Variants in PYGL observed in about 807,000 individuals in gnomAD.
PYGL encodes the protein glycogen phosphorylase, liver form.
In PYGL, 90 loss-of-function variants were observed where a neutral mutation model predicts 100.1. That is an observed-to-expected ratio of 0.90 (90% CI 0.76 to 1.07). PYGL has a LOEUF of 1.07. PYGL is among the 50% of genes least tolerant of loss of function. The probability of loss-of-function intolerance (pLI) is 0.00; values close to 1 mark genes in which losing one functional copy is unlikely to be tolerated. For synonymous variants in PYGL, 373 were observed against 393.0 expected, an observed-to-expected ratio of 0.95 and a Z score of 0.60; for missense variants, 1,016 against 1,057.6, an observed-to-expected ratio of 0.96 and a Z score of 0.55.
chr14:50,929,974 T>G (rs901106771), intron 4 of PYGL, among the ~76,000 whole-genome samples: 1 of 152,220 alleles, frequency 6.6e-6, no homozygotes, highest in African/African-American at 2.4e-5. Context: ...CAGAGACAAC[T>G]TCTGTTGAAG....
chr14:50,930,367 A>G (rs2050591527), intron 4 of PYGL, among the ~76,000 whole-genome samples: 1 of 152,204 alleles, frequency 6.6e-6, no homozygotes, highest in South Asian at 2.1e-4. Context: ...CATACCTCAT[A>G]AAAGTAATCA....
chr14:50,934,588 G>A (rs1252031312), intron 3 of PYGL, among the ~76,000 whole-genome samples: 1 of 151,986 alleles, frequency 6.6e-6, no homozygotes, highest in East Asian at 1.9e-4. Flanking sequence ...GTGTATGTGT[G>A]TGTGTAAATA....
At chr14:50,943,559 T>A (rs1418288824) in intron 1 of PYGL, among the ~76,000 whole-genome samples, 2 of 152,148 alleles carry the variant, frequency 1.3e-5, no homozygotes, top group Non-Finnish European at 2.9e-5. Context: ...CTCACGGAAT[T>A]CCAGGAGCTA....
intron 9 of PYGL, 75 bp from the exon 10 acceptor site, chr14:50,916,046 C>T (rs2050446545): frequency 3.8e-6 from 6 of 1,589,476 alleles, no homozygotes; most frequent in East Asian, 2.2e-5. Context: ...CCTTCTTCAA[C>T]CCTGCCCTGT....
Position 50,912,224 on chromosome 14 carries a change from T to C in PYGL, c.1700A>G (p.Gln567Arg), listed in dbSNP as rs753383533. The change falls in exon 14 of 20, where the codon CAG becomes CGG. Residue 567 changes from glutamine (Q) to arginine (R), a missense_variant. By Grantham distance (43) the Gln-to-Arg change is conservative. Transcript: ENST00000216392. ...CTTGTACTCATGTATCCTCTTCACC[T>C]GGACATCAAACATGGAGGATGGGTT... ...KINPSSMFDV[Q>R]VKRIHEYKRQ... The C allele has an allele frequency of 6.2e-7, 1 of 1,614,180 alleles. No individual in the cohort carries two copies. The highest frequency in any genetic ancestry group is 1.1e-5 in the South Asian group (1 of 91,084).
In PYGL at chr14:50,923,687, CAAAAAAAAAAA is replaced by C. The variant is rs762951824; in HGVS notation, c.660+271_660+281del. On this transcript the variant is annotated intron_variant, in intron 5 of 19. Coordinates refer to ENST00000216392, the MANE Select transcript of PYGL (RefSeq NM_002863.5). ...TACTATAGAACTGACAATTTTCTGG[CAAAAAAAAAAA>C]AAAAAAAAAAAGAACTGACAATTTT... The C allele has an allele frequency of 1.5e-4, 18 of 119,584 alleles. No homozygotes were observed. The East Asian group carries it at 4.0e-3, about 26-fold the overall frequency. The allele number at this position is 119,584 out of a possible 1,614,324, so 7.4% of individuals were successfully genotyped here.
In PYGL at chr14:50,911,992, TA is replaced by T; in HGVS notation, c.1812del (p.Ile605SerfsTer15). On this transcript the variant is annotated frameshift_variant, in exon 15 of 20. Transcript: ENST00000216392. LOFTEE classifies it high-confidence loss of function. ...ATTCAACTTACTTTACCACCAATGATAACTGTCCTTGGCACGAATAACTTCT... is the reference window on the plus strand; with the variant it reads ...ATTCAACTTACTTTACCACCAATGATACTGTCCTTGGCACGAATAACTTCT... Reference protein sequence around the residue: ...DPKKLFVPRTVIIGGKAAPGY... With the variant: ...DPKKLFVPRTXIIGGKAAPGY... The T allele has an allele frequency of 6.2e-7, 1 of 1,613,800 alleles. No homozygotes were observed. The highest frequency in any genetic ancestry group is 8.5e-7 in the Non-Finnish European group (1 of 1,179,658).
chr14:50,915,717 G>T, intron 10 of PYGL, 108 bp downstream of exon 10: 1 of 1,484,738 alleles, frequency 6.7e-7, no homozygotes, highest in Non-Finnish European at 9.2e-7. Flanking sequence ...GAGTACTTTT[G>T]CTGTATCAAT....
intron 1 of PYGL, among the ~76,000 whole-genome samples, chr14:50,940,961 G>A (rs554032689): frequency 1.3e-5 from 2 of 152,298 alleles, no homozygotes; most frequent in East Asian, 1.9e-4. Context: ...CAAGTGAATC[G>A]GGGGCCCAGA....
intron 3 of PYGL, among the ~76,000 whole-genome samples, chr14:50,934,475 G>C (rs954145004): frequency 6.6e-5 from 10 of 152,072 alleles, no homozygotes; most frequent in African/African-American, 2.4e-4. Context: ...TACTTTACTG[G>C]ATAGATCTCC....
chr14:50,913,171 G>T, intron 12 of PYGL, 41 bp from the exon 13 acceptor site: 1 of 1,571,606 alleles, frequency 6.4e-7, no homozygotes, highest in Non-Finnish European at 8.7e-7. Context: ...TTTGGGGATG[G>T]TAATCAAGTC....
intron 2 of PYGL, among the ~76,000 whole-genome samples, chr14:50,935,402 T>C (rs946070379): frequency 5.9e-5 from 9 of 152,240 alleles, no homozygotes; most frequent in African/African-American, 2.2e-4. Context: ...GTGTAAGCTC[T>C]AAAAGTCCAT....
intron 1 of PYGL, among the ~76,000 whole-genome samples, chr14:50,941,186 T>C (rs2050699097): frequency 6.6e-6 from 1 of 152,206 alleles, no homozygotes; most frequent in Non-Finnish European, 1.5e-5. Context: ...CGGGATCATA[T>C]ACTCAAATGC....
intron 13 of PYGL, among the ~76,000 whole-genome samples, chr14:50,912,719 C>T (rs1039033811): frequency 2.7e-4 from 41 of 152,020 alleles, no homozygotes; most frequent in African/African-American, 8.2e-4. Flanking sequence ...TTTGAGAGGC[C>T]GAGGCGGGTG....
At chr14:50,907,282 A>C (rs1015957191) in intron 19 of PYGL, among the ~76,000 whole-genome samples, 2 of 151,798 alleles carry the variant, frequency 1.3e-5, no homozygotes, top group Non-Finnish European at 2.9e-5. Context: ...TCTTTCTACG[A>C]ATTTATATTC....
At chr14:50,925,321 G>A (rs973870592) in intron 4 of PYGL, among the ~76,000 whole-genome samples, 1 of 152,220 alleles carries the variant, frequency 6.6e-6, no homozygotes, top group Non-Finnish European at 1.5e-5. Flanking sequence ...CATATGTGTT[G>A]TATTGTTGAC....
Position 50,937,808 on chromosome 14 carries a change from G to A in PYGL, c.273C>T (p.Tyr91=). The change falls in exon 2 of 20, where the codon TAC becomes TAT. Residue 91 remains tyrosine, a synonymous_variant. Transcript: ENST00000216392. The stretch of plus-strand genomic sequence containing the variant: ...TGGTGTTCTGTAATGTTCGGCCCAT[G>A]TAAAATTCCAGAGAGAGGTAATATA... ...KRVYYLSLEF[Y]MGRTLQNTMI... The A allele has an allele frequency of 6.2e-7, 1 of 1,613,982 alleles. No homozygotes were observed. Among genetic ancestry groups the A allele is most frequent in the Non-Finnish European group, 8.5e-7 (1 of 1,179,868 alleles).
intron 3 of PYGL, among the ~76,000 whole-genome samples, chr14:50,934,763 T>C (rs1596050099): frequency 6.6e-6 from 1 of 152,110 alleles, no homozygotes; most frequent in African/African-American, 2.4e-5. Context: ...CTGTTCCCTA[T>C]GACCCCCTAT....
intron 4 of PYGL, among the ~76,000 whole-genome samples, chr14:50,925,917 A>G (rs2050543565): frequency 6.6e-6 from 1 of 152,174 alleles, no homozygotes; most frequent in African/African-American, 2.4e-5. Context: ...GCAGATTCTC[A>G]GTAGGTCTGG....
Sources: gnomAD v4.1 joint callset for allele counts (sites outside exome capture counted in the v4.1 genomes callset) on GRCh38, gnomAD v4.1.1 for gene constraint, MANE v1.5 for transcripts, NCBI Gene and HGNC (gene_info 2026-07-23, HGNC 2026-07-21) for gene names.